Variants in MMP27 observed in about 807,000 individuals in gnomAD.
The protein encoded by MMP27 is matrix metallopeptidase 27, also known as matrix metalloproteinase-27.
In MMP27, 51 loss-of-function variants were observed where a neutral mutation model predicts 48.1. The observed-to-expected ratio is 1.06, with a 90% CI of 0.85 to 1.34. MMP27 has a LOEUF of 1.34. MMP27 is among the 40% of genes most tolerant of loss of function. MMP27 has a pLI of 0.00. For synonymous variants in MMP27, 229 were observed against 208.9 expected, an observed-to-expected ratio of 1.10 and a Z score of -0.83; for missense variants, 698 against 619.3, an observed-to-expected ratio of 1.13 and a Z score of -1.35.
intron 6 of MMP27, 141 bp from the exon 7 acceptor site, chr11:102,695,238 A>G: frequency 1.0e-6 from 1 of 972,910 alleles, no homozygotes; most frequent in Non-Finnish European, 1.5e-6. Context: ...TTCCCCAGTA[A>G]ATTTAGGTGA....
chr11:102,703,343 T>C (rs1860982172), intron 2 of MMP27, among the ~76,000 whole-genome samples: 1 of 152,156 alleles, frequency 6.6e-6, no homozygotes, highest in Admixed American at 6.5e-5. Flanking sequence ...TATTAACACT[T>C]CAACAAAGGA....
intron 4 of MMP27, among the ~76,000 whole-genome samples, chr11:102,699,489 A>C (rs1223751653): frequency 6.6e-6 from 1 of 152,146 alleles, no homozygotes; most frequent in Admixed American, 6.5e-5. Flanking sequence ...AAATAAATAC[A>C]TACATACATA....
intron 2 of MMP27, 26 bp from the exon 3 acceptor site, chr11:102,703,144 A>G (rs540742918): frequency 1.6e-5 from 26 of 1,602,366 alleles, no homozygotes; most frequent in Middle Eastern, 1.7e-4. Context: ...AAATATGTCA[A>G]TTTCTGGCTT....
Position 102,693,029 on chromosome 11 carries a change from C to T in MMP27, c.1206G>A (p.Met402Ile). ...GGAACCCTTTGTCCATGGTTTGGGT[C>T]ATTTCATCAAACCTGCATACAAGAA... ...VGIWCWRFDE[M>I]TQTMDKGFPQ... is the part of the protein sequence containing the mutation. The change falls in exon 9 of 10, where the codon ATG (methionine) becomes ATA (isoleucine). Residue 402 changes from methionine to isoleucine, a missense_variant. Physicochemically the swap from Met to Ile is conservative, Grantham distance 10 (BLOSUM62 1). Transcript: ENST00000260229. 6.2e-7 allele frequency: 1 copy of T among 1,612,986 alleles called. No individual in the cohort carries two copies. The highest frequency in any genetic ancestry group is 8.5e-7 in the Non-Finnish European group (1 of 1,179,338).
At chr11:102,695,888 TG>T (rs1173820506) in intron 6 of MMP27, among the ~76,000 whole-genome samples, 1 of 152,216 alleles carries the variant, frequency 6.6e-6, no homozygotes, top group African/African-American at 2.4e-5. Flanking sequence ...AAACGTTCAG[TG>T]AGGTGCTGAC....
chr11:102,696,363 G>A lies in MMP27; in HGVS notation c.902+8C>T. On this transcript the variant is annotated splice_region_variant and intron_variant, in intron 6 of 9. Transcript: ENST00000260229. ...AGGAAGTTGAGGTGTTTAGAGAAAT[G>A]AGTTTACCTGCCTTTAAAGAACATT... 1 of 1,613,132 alleles carries A rather than the reference G, an allele frequency of 6.2e-7. No individual in the cohort carries two copies. Among genetic ancestry groups the A allele is most frequent in the Non-Finnish European group, 8.5e-7 (1 of 1,179,452 alleles).
chr11:102,703,597 A>C lies in MMP27; in HGVS notation c.342-479T>G, dbSNP rs1335020701. On this transcript the variant is annotated intron_variant, in intron 2 of 9. Coordinates refer to ENST00000260229, the MANE Select transcript of MMP27 (RefSeq NM_022122.3). ...GAGTGCAGTGGCGCGACCTCGGCTC[A>C]CTGCAACCTCTGCCTCCCAGGTTCA... 2.0e-5 allele frequency among the ~76,000 whole-genome samples: 3 copies of C among 151,994 alleles called. No homozygotes were observed. In the South Asian group the frequency reaches 6.2e-4, roughly 32 times the overall value.
At position 102,691,778 on chromosome 11, in the gene MMP27, A is replaced by G; in HGVS notation, c.1530T>C (p.Ser510=). ...TAGGTCTATGAATTTATTGATAAAT[A>G]GAAGTGTTTTTCAGCAAATGAACAA... ...FGIVHLLKNT[S]IYQ is the part of the protein sequence containing the mutation. The change falls in exon 10 of 10, where the codon TCT becomes TCC. Residue 510 remains serine, a synonymous_variant. Coordinates refer to ENST00000260229, the MANE Select transcript of MMP27 (RefSeq NM_022122.3). The G allele has an allele frequency of 6.3e-7, 1 of 1,591,592 alleles. No individual in the cohort carries two copies. Among genetic ancestry groups the G allele is most frequent in the Non-Finnish European group, 8.6e-7 (1 of 1,165,298 alleles).
At chr11:102,698,475 A>T (rs950499641) in intron 4 of MMP27, among the ~76,000 whole-genome samples, 1 of 49,402 alleles carries the variant, frequency 2.0e-5, no homozygotes, top group South Asian at 9.5e-4. Flanking sequence ...GGATAATATT[A>T]AAAAAAAAAA....
intron 1 of MMP27, 59 bp from the exon 2 acceptor site, chr11:102,704,834 C>A: frequency 8.3e-7 from 1 of 1,210,472 alleles, no homozygotes; most frequent in Non-Finnish European, 1.2e-6. Flanking sequence ...AGCAAATCTC[C>A]ATCTCAGGAT....
chr11:102,692,327 A>G (rs2134259330), intron 9 of MMP27, among the ~76,000 whole-genome samples: 1 of 152,258 alleles, frequency 6.6e-6, no homozygotes, highest in Admixed American at 6.5e-5. Context: ...GCCCCTGTGG[A>G]TATGGCCTTG....
chr11:102,696,459 C>G lies in MMP27; in HGVS notation c.814G>C (p.Glu272Gln). Residue 272 changes from glutamate to glutamine, a missense_variant, in exon 6 of 10, where the codon GAA (glutamate) becomes CAA (glutamine). Transcript: ENST00000260229. ...TCACAGGCATGGGGTATAGTGGGTTCCTTTGGCTTAGCAGGTTCCTTAGGC... is the reference window on the plus strand; with the variant it reads ...TCACAGGCATGGGGTATAGTGGGTTGCTTTGGCTTAGCAGGTTCCTTAGGC... ...GLPKEPAKPK[E>Q]PTIPHACDPD... The G allele has an allele frequency of 6.2e-7, 1 of 1,613,704 alleles. No individual in the cohort carries two copies. The highest frequency in any genetic ancestry group is 8.5e-7 in the Non-Finnish European group (1 of 1,179,822).
intron 1 of MMP27, among the ~76,000 whole-genome samples, chr11:102,705,006 T>C (rs1325892898): frequency 3.3e-5 from 5 of 152,162 alleles, no homozygotes. Flanking sequence ...GGTTGACTTA[T>C]GAGTGACCAG....
At chr11:102,695,186 G>C in intron 6 of MMP27, 89 bp from the exon 7 acceptor site, 1 of 1,404,090 alleles carries the variant, frequency 7.1e-7, no homozygotes, top group Non-Finnish European at 9.8e-7. Context: ...TTAGCTAATT[G>C]GTTGGTATCT....
Position 102,703,004 on chromosome 11 carries a change from C to T in MMP27, c.456G>A (p.Gly152=). 3.1e-6 allele frequency: 5 copies of T among 1,614,184 alleles called. No individual in the cohort carries two copies. Among genetic ancestry groups the T allele is most frequent in the African/African-American group, 1.3e-5 (1 of 75,052 alleles). The change falls in exon 3 of 10, where the codon GGG becomes GGA. Residue 152 remains glycine (G), a synonymous_variant. Transcript: ENST00000260229. ...TAAAGGCAATCATGATGTCTGCAATCCCCTTTGAAATCTTGGTGAATTTTA... is the reference window on the plus strand; with the variant it reads ...TAAAGGCAATCATGATGTCTGCAATTCCCTTTGAAATCTTGGTGAATTTTA... The part of the protein sequence containing the change: ...TPLKFTKISK[G]IADIMIAFRT...
At chr11:102,693,384 T>TTTA (rs1211382016) in intron 8 of MMP27, among the ~76,000 whole-genome samples, 1 of 151,894 alleles carries the variant, frequency 6.6e-6, no homozygotes, top group Non-Finnish European at 1.5e-5. Flanking sequence ...TCACCAACTT[T>TTTA]TTATTTTATC....
chr11:102,698,716 C>T (rs1172308880), intron 4 of MMP27, among the ~76,000 whole-genome samples: 4 of 152,164 alleles, frequency 2.6e-5, no homozygotes, highest in South Asian at 2.1e-4. Context: ...TCTTTCTAAT[C>T]TCTATGTCTT....
At position 102,695,001 on chromosome 11, in the gene MMP27, G is replaced by A. The variant is rs1940042; in HGVS notation, c.999C>T (p.Tyr333=). The A allele has an allele frequency of 3.2e-3, 5,121 of 1,613,908 alleles. 144 individuals carry two copies. In the African/African-American group the frequency reaches 0.059, roughly 18 times the overall value. ...CCAGAATCTTATCTCTGGGGTTCTCGTATGCAGCTTGCAGATCAGCTGGCA... is the reference window on the plus strand; with the variant it reads ...CCAGAATCTTATCTCTGGGGTTCTCATATGCAGCTTGCAGATCAGCTGGCA... The part of the protein sequence containing the change: ...PSLPADLQAA[Y]ENPRDKILVF... The change falls in exon 7 of 10, where the codon TAC becomes TAT. Residue 333 remains tyrosine, a synonymous_variant. Coordinates refer to ENST00000260229, the MANE Select transcript of MMP27 (RefSeq NM_022122.3).
chr11:102,692,158 A>G (rs566283609), intron 9 of MMP27, 148 bp from the exon 10 acceptor site: 14 of 672,918 alleles, frequency 2.1e-5, no homozygotes, highest in Middle Eastern at 4.3e-4. Context: ...TTCTACTGTC[A>G]TGTGGGAAAT....
Sources: allele counts gnomAD v4.1 joint callset (sites outside exome capture counted in the v4.1 genomes callset), GRCh38; gene constraint gnomAD v4.1.1; transcripts MANE v1.5; gene names NCBI Gene and HGNC (gene_info 2026-07-23, HGNC 2026-07-21).